Variants in PREX1 observed in about 807,000 individuals in gnomAD.
PREX1 encodes phosphatidylinositol-3,4,5-trisphosphate dependent Rac exchange factor 1.
A neutral mutation model predicts 198.3 loss-of-function variants in PREX1; 41 were observed. The observed-to-expected ratio is 0.21, with a 90% CI of 0.16 to 0.27. The LOEUF (loss-of-function observed/expected upper bound fraction) is 0.27. Ranked by LOEUF, PREX1 falls within the 10% of genes least tolerant of loss-of-function variation. The pLI, the probability that PREX1 is intolerant of heterozygous loss-of-function variation, is 1.00. For synonymous variants in PREX1, 843 were observed against 887.2 expected, an observed-to-expected ratio of 0.95 and a Z score of 0.89; for missense variants, 1,620 against 2,200.7, an observed-to-expected ratio of 0.74 and a Z score of 5.28.
the PREX1 span, among the ~76,000 whole-genome samples, chr20:48,838,177 G>A: frequency 6.6e-6 from 1 of 152,178 alleles, no homozygotes; most frequent in Admixed American, 6.5e-5. Context: ...AGGCTTAAGC[G>A]GGGCTGGAAA....
At chr20:48,776,938 C>T (rs1037821270) in intron 1 of PREX1, among the ~76,000 whole-genome samples, 2 of 152,182 alleles carry the variant, frequency 1.3e-5, no homozygotes, top group Non-Finnish European at 2.9e-5. Flanking sequence ...GAGCCAGAGA[C>T]TGACCTCCAC....
intron 7 of PREX1, 137 bp from the exon 8 acceptor site, chr20:48,692,927 G>A (rs1451106089): frequency 6.9e-6 from 5 of 722,022 alleles, no homozygotes; most frequent in African/African-American, 5.2e-5. Flanking sequence ...TCAGGAGCAG[G>A]AGTGTTTGGC....
rs775614910 is a variant in PREX1 at position 48,679,699 on chromosome 20, G to A, written c.1491C>T (p.Asp497=). Residue 497 remains aspartate, a synonymous_variant, in exon 12 of 40, where the codon GAC becomes GAT. Coordinates refer to ENST00000371941, the MANE Select transcript of PREX1 (RefSeq NM_020820.4). ...CACTTCGGGCCTTGTAGGTGCCATC[G>A]TCGTAGCGGAAGCGATACATCACCT... is the stretch of plus-strand genomic sequence containing the variant. The part of the protein sequence containing the change: ...NEQVMYRFRY[D]DGTYKARSEL... 9 of 1,613,718 alleles carry A rather than the reference G, an allele frequency of 5.6e-6. No individual in the cohort carries two copies. Among genetic ancestry groups the A allele is most frequent in the South Asian group, 2.2e-5 (2 of 91,062 alleles).
intron 5 of PREX1, among the ~76,000 whole-genome samples, chr20:48,709,855 G>C (rs2089922544): frequency 6.6e-6 from 1 of 152,212 alleles, no homozygotes; most frequent in Non-Finnish European, 1.5e-5. Context: ...GCACTCCCTG[G>C]AGTAAACCAA....
chr20:48,783,641 G>A (rs1050244825), intron 1 of PREX1, among the ~76,000 whole-genome samples: 5 of 152,150 alleles, frequency 3.3e-5, no homozygotes, highest in East Asian at 1.9e-4. Flanking sequence ...GCAGATGTAC[G>A]GGAGGAAAAC....
At chr20:48,689,906 G>C (rs2089808191) in intron 9 of PREX1, among the ~76,000 whole-genome samples, 1 of 152,236 alleles carries the variant, frequency 6.6e-6, no homozygotes, top group African/African-American at 2.4e-5. Flanking sequence ...GAAGTAGGGA[G>C]AAGAGAGGAG....
rs191391958 is a variant in PREX1, at chr20:48,691,175, G to A, written c.1037-79C>T. On this transcript the variant is annotated intron_variant, in intron 8 of 39. Transcript: ENST00000371941. The surrounding 1 kb of genome is among the most constrained non-coding windows in gnomAD (Gnocchi z 5.0). Reference sequence around the variant, plus strand: ...ACACTCCCCATTGCCAAGCCCTTCCGCCCCAGCACAGGCAGGGCCCTCGCC... The same window carrying A: ...ACACTCCCCATTGCCAAGCCCTTCCACCCCAGCACAGGCAGGGCCCTCGCC... 511 of 1,575,538 alleles carry A rather than the reference G, an allele frequency of 3.2e-4. 3 individuals carry two copies. Among genetic ancestry groups the A allele is most frequent in the Non-Finnish European group, 8.7e-5 (100 of 1,148,934 alleles).
chr20:48,830,932 T>C (rs2090535941), upstream of PREX1, among the ~76,000 whole-genome samples: 1 of 152,216 alleles, frequency 6.6e-6, no homozygotes, highest in African/African-American at 2.4e-5. Context: ...TGCATTTGGC[T>C]GCAAGGAGAA....
At chr20:48,874,810 G>A in the PREX1 span, among the ~76,000 whole-genome samples, 10 of 151,638 alleles carry the variant, frequency 6.6e-5, no homozygotes, top group Non-Finnish European at 4.4e-5. Flanking sequence ...CCAGGAGGTG[G>A]AGGTTGTAGT....
intron 3 of PREX1, among the ~76,000 whole-genome samples, chr20:48,744,757 G>A (rs2090099995): frequency 6.6e-6 from 1 of 152,218 alleles, no homozygotes; most frequent in Non-Finnish European, 1.5e-5. Context: ...GAGGTCGCAG[G>A]ACTCCAGGAC....
At chr20:48,631,535 GCAGAA>G (rs2089314508) in intron 35 of PREX1, among the ~76,000 whole-genome samples, 2 of 152,228 alleles carry the variant, frequency 1.3e-5, no homozygotes, top group South Asian at 4.1e-4. Context: ...CACAGATGGC[GCAGAA>G]CAGACTGATG....
At chr20:48,668,516 T>C (rs973434192) in intron 14 of PREX1, among the ~76,000 whole-genome samples, 1 of 152,082 alleles carries the variant, frequency 6.6e-6, no homozygotes, top group Non-Finnish European at 1.5e-5. Context: ...CTGAAACGCC[T>C]CCCAGAATGA....
upstream of PREX1, among the ~76,000 whole-genome samples, chr20:48,832,137 G>A (rs1327941080): frequency 1.5e-5 from 2 of 136,144 alleles, no homozygotes; most frequent in Admixed American, 1.5e-4. Flanking sequence ...GCAGTTCAGG[G>A]GGAAGAAAAA....
chr20:48,708,209 C>T (rs780404514), intron 6 of PREX1, 51 bp downstream of exon 6: 9 of 1,592,970 alleles, frequency 5.6e-6, no homozygotes, highest in South Asian at 1.1e-5. Context: ...TGCACCTGTG[C>T]ACCTCCTGGC....
At chr20:48,697,008 T>C (rs1322710088) in intron 7 of PREX1, among the ~76,000 whole-genome samples, 1 of 129,784 alleles carries the variant, frequency 7.7e-6, no homozygotes, top group East Asian at 2.4e-4. Context: ...ACACACCCTA[T>C]TGGGTCTATC....
chr20:48,656,846 G>A (rs924201310), intron 18 of PREX1, among the ~76,000 whole-genome samples, 194 bp downstream of exon 18: 20 of 152,290 alleles, frequency 1.3e-4, no homozygotes, highest in Admixed American at 5.9e-4. Flanking sequence ...GATTCCCAGG[G>A]CCCAAACTGC....
chr20:48,753,612 A>G (rs1194467899), intron 1 of PREX1, among the ~76,000 whole-genome samples: 1 of 151,930 alleles, frequency 6.6e-6, no homozygotes, highest in Non-Finnish European at 1.5e-5. Context: ...TAAAACCTAG[A>G]AAAAAATCCA....
At chr20:48,690,844 C>A in intron 9 of PREX1, 103 bp downstream of exon 9, 1 of 1,509,922 alleles carries the variant, frequency 6.6e-7, no homozygotes, top group South Asian at 1.2e-5. Context: ...CTCTGATCCT[C>A]CTGAAAAGGA....
intron 5 of PREX1, among the ~76,000 whole-genome samples, chr20:48,723,498 C>T (rs1436643587): frequency 2.6e-5 from 4 of 152,134 alleles, no homozygotes; most frequent in African/African-American, 7.2e-5. Context: ...AAGGCATGGC[C>T]CCAACGGGAG....
Sources: allele counts gnomAD v4.1 joint callset (sites outside exome capture counted in the v4.1 genomes callset), GRCh38; gene constraint gnomAD v4.1.1; non-coding constraint Gnocchi (gnomAD v3.1); transcripts MANE v1.5; gene names NCBI Gene and HGNC (gene_info 2026-07-23, HGNC 2026-07-21).